The following IQSEC1 variants were observed in gnomAD, a reference collection of about 807,000 sequenced individuals.
The protein encoded by IQSEC1 is IQ motif and SEC7 domain-containing protein 1.
Under a neutral mutation model 91.0 loss-of-function variants are expected in IQSEC1, and 31 were observed. The observed-to-expected ratio is 0.34, with a 90% CI of 0.26 to 0.46. The LOEUF (loss-of-function observed/expected upper bound fraction) is 0.46. Among genes scored for constraint, IQSEC1 ranks in the 20% least tolerant of loss-of-function variants. The pLI, the probability that IQSEC1 is intolerant of heterozygous loss-of-function variation, is 1.00. For synonymous variants in IQSEC1, 699 were observed against 662.6 expected (o/e 1.05, Z -0.84); for missense variants, 1,388 against 1,575.6 (o/e 0.88, Z 2.02).
chr3:13,031,699 A>T (rs1212065851), intron 1 of IQSEC1, among the ~76,000 whole-genome samples: 1 of 151,840 alleles, frequency 6.6e-6, no homozygotes, highest in Non-Finnish European at 1.5e-5. Context: ...CAGGACAAAA[A>T]CGCTAAGCAA....
At chr3:13,278,809 G>C (rs1695738578) in intron 1 of IQSEC1, among the ~76,000 whole-genome samples, 2 of 144,988 alleles carry the variant, frequency 1.4e-5, no homozygotes, top group Non-Finnish European at 3.1e-5. Flanking sequence ...GACAGAGCAA[G>C]ACTCCGTCTT....
intron 5 of IQSEC1, among the ~76,000 whole-genome samples, chr3:12,921,000 C>T (rs866017763): frequency 8.6e-4 from 131 of 152,286 alleles, no homozygotes; most frequent in Middle Eastern, 6.8e-3. Context: ...TGAAAGCAGC[C>T]AGGGGCACCT....
intron 1 of IQSEC1, among the ~76,000 whole-genome samples, chr3:12,981,362 A>C (rs548200530): frequency 1.6e-4 from 25 of 152,330 alleles, no homozygotes; most frequent in African/African-American, 5.8e-4. Context: ...TTTGTGTTTA[A>C]AAATGGGGGG....
At chr3:13,114,223 G>A (rs141275579) in intron 2 of IQSEC1, among the ~76,000 whole-genome samples, 1 of 152,140 alleles carries the variant, frequency 6.6e-6, no homozygotes, top group East Asian at 1.9e-4. Flanking sequence ...TGCAGGATGC[G>A]GGTGGGGATA....
chr3:12,962,707 G>A (rs1341787405), intron 1 of IQSEC1, among the ~76,000 whole-genome samples: 1 of 152,202 alleles, frequency 6.6e-6, no homozygotes, highest in Non-Finnish European at 1.5e-5. Context: ...TCTTGGCCTG[G>A]GGCTGCGCAC....
chr3:13,174,483 C>T lies in IQSEC1; in HGVS notation c.273-10350G>A, dbSNP rs370984410. On this transcript the variant is annotated intron_variant, in intron 1 of 15. Coordinates refer to the IQSEC1 transcript ENST00000648114. ...GACCCCCATGGCCTCCCCATCTCAG[C>T]GGGGGCTCCTCCACCCGTCCCAGCG... 4.7e-4 allele frequency among the ~76,000 whole-genome samples: 71 copies of T among 152,264 alleles called. No homozygotes were observed. The South Asian group carries it at 0.013, about 28-fold the overall frequency.
At position 12,909,568 on chromosome 3, in the gene IQSEC1, G is replaced by A. The variant is rs533396591; in HGVS notation, c.2417-134C>T. The A allele has an allele frequency of 6.9e-5, 56 of 810,544 alleles. No homozygotes were observed. The African/African-American group carries it at 8.4e-4, about 12-fold the overall frequency. The allele number at this position is 810,544 out of a possible 1,614,324, so 50.2% of individuals were successfully genotyped here. On this transcript the variant is annotated intron_variant, in intron 10 of 13. Transcript: ENST00000613206. This position sits in a 1 kb window ranked among gnomAD's most constrained non-coding sequence, Gnocchi z 4.9. The stretch of plus-strand genomic sequence containing the variant: ...GATAAGTGCCGGGAGTCCAGCCTCC[G>A]CAGTGGCAGGCTGCAGGGGTGCAGA...
At chr3:13,050,406 G>A (rs561939024) in intron 1 of IQSEC1, among the ~76,000 whole-genome samples, 17 of 152,274 alleles carry the variant, frequency 1.1e-4, no homozygotes, top group African/African-American at 4.1e-4. Flanking sequence ...TGTGTGCCCC[G>A]GGGATAGCAA....
intron 1 of IQSEC1, among the ~76,000 whole-genome samples, chr3:13,196,379 G>A (rs1694125665): frequency 6.6e-6 from 1 of 152,192 alleles, no homozygotes; most frequent in African/African-American, 2.4e-5. Context: ...GACAAGGAAA[G>A]GTAACGCATG....
intron 2 of IQSEC1, among the ~76,000 whole-genome samples, chr3:13,105,093 C>T (rs1477914972): frequency 6.6e-6 from 1 of 152,206 alleles, no homozygotes; most frequent in Non-Finnish European, 1.5e-5. Context: ...GACTTCTGCC[C>T]TGTGCAGTGT....
intron 2 of IQSEC1, among the ~76,000 whole-genome samples, chr3:13,113,451 T>C (rs1020911729): frequency 3.3e-5 from 5 of 152,042 alleles, no homozygotes; most frequent in African/African-American, 1.2e-4. Flanking sequence ...CAGGGTGCTG[T>C]GTGAAGATGA....
chr3:13,279,917 C>T (rs916088102), intron 1 of IQSEC1, among the ~76,000 whole-genome samples: 2 of 152,212 alleles, frequency 1.3e-5, no homozygotes, highest in African/African-American at 4.8e-5. Context: ...CCTCTCCATG[C>T]CTCCTGCCCC....
intron 2 of IQSEC1, among the ~76,000 whole-genome samples, chr3:13,134,453 C>T (rs980195446): frequency 5.9e-5 from 9 of 152,244 alleles, no homozygotes; most frequent in African/African-American, 2.2e-4. Flanking sequence ...CCTGGGCGTC[C>T]TGGAGCAGCC....
chr3:13,247,136 C>CGGACT (rs1695121551), intron 1 of IQSEC1, among the ~76,000 whole-genome samples: 1 of 152,170 alleles, frequency 6.6e-6, no homozygotes, highest in East Asian at 1.9e-4. Context: ...TGCCTAAAAC[C>CGGACT]TGCTGGTGAG....
rs1296015148 is a variant in IQSEC1 at position 12,901,415 on chromosome 3, G to A, written c.2913C>T (p.Ser971=). The A allele has an allele frequency of 6.5e-7, 1 of 1,546,638 alleles. No homozygotes were observed. ...TMPNSSSLLG[S]LFGSKRGKPP... is the part of the protein sequence containing the mutation. ...GCTTCCCTCTCTTGCTCCCGAATAA[G>A]GAGCCCAGGAGGGAAGATGAGTTGG... Residue 971 remains serine, a synonymous_variant, in exon 14 of 14, where the codon TCC becomes TCT. Coordinates refer to ENST00000613206, the MANE Select transcript of IQSEC1 (RefSeq NM_001134382.3).
chr3:13,025,090 C>A (rs537284529), intron 1 of IQSEC1, among the ~76,000 whole-genome samples: 13 of 152,344 alleles, frequency 8.5e-5, no homozygotes, highest in Non-Finnish European at 1.8e-4. Context: ...TCAGTAAATA[C>A]CAGCTGTCAC....
intron 2 of IQSEC1, among the ~76,000 whole-genome samples, chr3:13,130,888 C>A (rs1237125872): frequency 1.4e-5 from 2 of 147,422 alleles, no homozygotes; most frequent in Non-Finnish European, 3.0e-5. Context: ...CTGAGAATTG[C>A]TTCCAGCTTA....
intron 2 of IQSEC1, among the ~76,000 whole-genome samples, chr3:13,157,594 A>G (rs1445372886): frequency 6.6e-6 from 1 of 152,216 alleles, no homozygotes; most frequent in Non-Finnish European, 1.5e-5. Context: ...ATGGAAAAGT[A>G]AAGTCCACCA....
chr3:13,128,876 CAAAAAAAA>C (rs34011478), intron 2 of IQSEC1, among the ~76,000 whole-genome samples: 6 of 87,456 alleles, frequency 6.9e-5, no homozygotes, highest in African/African-American at 1.3e-4. Flanking sequence ...GACTCTGTCT[CAAAAAAAA>C]AAAAAAAAAA....
Sources: allele counts gnomAD v4.1 joint callset (sites outside exome capture counted in the v4.1 genomes callset), GRCh38; gene constraint gnomAD v4.1.1; non-coding constraint Gnocchi (gnomAD v3.1); transcripts MANE v1.5; gene names NCBI Gene and HGNC (gene_info 2026-07-23, HGNC 2026-07-21).